Variants in SMYD3 observed in about 807,000 individuals in gnomAD.
SMYD3 encodes the protein SET and MYND domain containing 3.
A neutral mutation model predicts 57.7 loss-of-function variants in SMYD3; 36 were observed. The ratio of observed to expected loss-of-function variants is 0.62; its 90% confidence interval spans 0.48 to 0.82. SMYD3 has a LOEUF of 0.82. Among genes scored for constraint, SMYD3 ranks in the 40% least tolerant of loss-of-function variants. The pLI is 0.00. For missense variants in SMYD3, 515 were observed against 538.8 expected, an observed-to-expected ratio of 0.96 and a Z score of 0.44; for synonymous variants, 211 against 195.0, an observed-to-expected ratio of 1.08 and a Z score of -0.68.
At chr1:246,482,813 A>C (rs1446438240) in intron 1 of SMYD3, among the ~76,000 whole-genome samples, 3 of 152,222 alleles carry the variant, frequency 2.0e-5, no homozygotes, top group African/African-American at 7.2e-5. Flanking sequence ...TATACTTCTC[A>C]GTAGGGGAAA....
chr1:246,019,516 A>G (rs2059432485), intron 5 of SMYD3, among the ~76,000 whole-genome samples: 1 of 152,224 alleles, frequency 6.6e-6, no homozygotes, highest in African/African-American at 2.4e-5. Flanking sequence ...ATCCAAAAGC[A>G]TTGTCAAAAA....
At chr1:246,026,003 G>A (rs1169164171) in intron 5 of SMYD3, 3 of 152,264 alleles carry the variant, frequency 2.0e-5, no homozygotes, top group Non-Finnish European at 4.4e-5. Flanking sequence ...GTGCTGGTGG[G>A]AAGTCCCAGC....
At chr1:245,798,484 C>CCACACA (rs146927711) in intron 10 of SMYD3, among the ~76,000 whole-genome samples, 11 of 132,164 alleles carry the variant, frequency 8.3e-5, no homozygotes, top group African/African-American at 3.2e-4. Context: ...ACACAACACA[C>CCACACA]CACACACACA....
intron 5 of SMYD3, among the ~76,000 whole-genome samples, chr1:246,058,687 C>A (rs2060197510): frequency 6.6e-6 from 1 of 152,082 alleles, no homozygotes; most frequent in Non-Finnish European, 1.5e-5. Flanking sequence ...AAGCCATATA[C>A]AACATTTTGC....
At chr1:245,775,273 AAG>A (rs200113758) in intron 10 of SMYD3, among the ~76,000 whole-genome samples, 2,693 of 152,234 alleles carry the variant, frequency 0.018, 76 homozygotes, top group African/African-American at 0.062. Flanking sequence ...TGTCGAGTGG[AAG>A]GGGGGAAGTG....
chr1:246,490,001 C>CTTTTTT (rs71968916), intron 1 of SMYD3, among the ~76,000 whole-genome samples: 1 of 92,312 alleles, frequency 1.1e-5, no homozygotes, highest in Non-Finnish European at 2.1e-5. Context: ...TAATTTTTTC[C>CTTTTTT]TTTTTTTTTT....
In SMYD3 at chr1:246,423,696, A is replaced by T. The variant is rs192310613; in HGVS notation, c.165-68602T>A. On this transcript the variant is annotated intron_variant, in intron 1 of 11. Transcript: ENST00000490107. ...TAAAAAAAAAGATAGCCTGCACTATAAGAAATCCAGTAGAAGAGTGGTCCC... is the reference window on the plus strand; with the variant it reads ...TAAAAAAAAAGATAGCCTGCACTATTAGAAATCCAGTAGAAGAGTGGTCCC... Among the ~76,000 whole-genome samples, 579 of 152,312 alleles carry T rather than the reference A, an allele frequency of 3.8e-3. 1 individual carries two copies. Among genetic ancestry groups the T allele is most frequent in the African/African-American group, 0.013 (549 of 41,572 alleles).
chr1:246,158,150 G>A (rs1277185872), intron 5 of SMYD3, among the ~76,000 whole-genome samples: 1 of 152,176 alleles, frequency 6.6e-6, no homozygotes, highest in Non-Finnish European at 1.5e-5. Context: ...TCTAAGTGAA[G>A]ACATCTTATC....
intron 5 of SMYD3, among the ~76,000 whole-genome samples, chr1:245,978,297 A>G (rs1489598124): frequency 6.6e-6 from 1 of 152,228 alleles, no homozygotes; most frequent in Non-Finnish European, 1.5e-5. Context: ...CGTGCCTCTC[A>G]TGATACCCAA....
chr1:245,796,728 G>C, intron 10 of SMYD3, among the ~76,000 whole-genome samples: 1 of 152,200 alleles, frequency 6.6e-6, no homozygotes, highest in East Asian at 1.9e-4. Context: ...GGAGAGCAGA[G>C]TGTCATCAAG....
chr1:245,963,989 C>G (rs1350682636), intron 5 of SMYD3, among the ~76,000 whole-genome samples: 1 of 152,156 alleles, frequency 6.6e-6, no homozygotes, highest in East Asian at 1.9e-4. Context: ...CCAATGCTGG[C>G]TAATTTTCAA....
chr1:245,765,754 A>G (rs916538737), intron 10 of SMYD3, among the ~76,000 whole-genome samples: 1 of 152,136 alleles, frequency 6.6e-6, no homozygotes, highest in African/African-American at 2.4e-5. Context: ...CTGCTTCTCC[A>G]GGGACGGAGG....
intron 5 of SMYD3, among the ~76,000 whole-genome samples, chr1:246,177,393 C>T (rs75702712): frequency 9.6e-4 from 146 of 152,214 alleles, no homozygotes; most frequent in African/African-American, 3.3e-3. Context: ...ACCAAGTTAC[C>T]CCTTCAATTG....
intron 5 of SMYD3, among the ~76,000 whole-genome samples, chr1:245,984,837 G>A (rs1285267897): frequency 6.6e-6 from 1 of 152,076 alleles, no homozygotes; most frequent in Non-Finnish European, 1.5e-5. Context: ...GGAATGTAGT[G>A]TATTTCTCTT....
chr1:245,809,348 C>A (rs977823141), intron 10 of SMYD3, among the ~76,000 whole-genome samples: 12 of 152,208 alleles, frequency 7.9e-5, no homozygotes, highest in African/African-American at 2.9e-4. Context: ...CAGTGCTATG[C>A]CAGGCTTTCG....
intron 5 of SMYD3, among the ~76,000 whole-genome samples, chr1:246,077,585 C>T (rs1468324181): frequency 6.6e-6 from 1 of 151,398 alleles, no homozygotes; most frequent in Non-Finnish European, 1.5e-5. Context: ...ATCAGAATAC[C>T]TATCATCCAG....
intron 5 of SMYD3, among the ~76,000 whole-genome samples, chr1:246,120,814 C>G (rs2061413474): frequency 6.6e-6 from 1 of 152,180 alleles, no homozygotes; most frequent in African/African-American, 2.4e-5. Context: ...GTTATGTACA[C>G]ATCTGTCTTC....
intron 10 of SMYD3, among the ~76,000 whole-genome samples, chr1:245,829,071 CTTT>C (rs11291631): frequency 1.2e-4 from 16 of 130,738 alleles, no homozygotes; most frequent in East Asian, 8.7e-4. Flanking sequence ...CTTAGCCTGG[CTTT>C]TTTTTTTTTT....
At chr1:246,413,359 A>G (rs4654110) in intron 1 of SMYD3, among the ~76,000 whole-genome samples, 29,821 of 152,148 alleles carry the variant, frequency 0.2, 3,669 homozygotes, top group Admixed American at 0.3. Flanking sequence ...CTCGGATAGA[A>G]TTAAAATCCA....
Sources: allele counts gnomAD v4.1 joint callset (sites outside exome capture counted in the v4.1 genomes callset), GRCh38; gene constraint gnomAD v4.1.1; transcripts MANE v1.5; gene names NCBI Gene and HGNC (gene_info 2026-07-23, HGNC 2026-07-21).